The following DRAM1 variants were observed in gnomAD, a reference collection of about 807,000 sequenced individuals.
DRAM1 encodes the protein DNA damage-regulated autophagy modulator protein 1.
Under a neutral mutation model 28.5 loss-of-function variants are expected in DRAM1, and 25 were observed. The observed-to-expected ratio is 0.88, with a 90% CI of 0.64 to 1.23. DRAM1 has a LOEUF of 1.23. DRAM1 is among the 50% of genes most tolerant of loss of function. The pLI is 0.00. For synonymous variants in DRAM1, 113 were observed against 114.2 expected, an observed-to-expected ratio of 0.99 and a Z score of 0.07; for missense variants, 249 against 299.2, an observed-to-expected ratio of 0.83 and a Z score of 1.24.
At chr12:101,903,426 A>G (rs1873673527) in intron 3 of DRAM1, among the ~76,000 whole-genome samples, 1 of 152,184 alleles carries the variant, frequency 6.6e-6, no homozygotes, top group African/African-American at 2.4e-5. Flanking sequence ...GAAATAAGCC[A>G]GTCACAGAGG....
intron 3 of DRAM1, among the ~76,000 whole-genome samples, chr12:101,903,926 TACACACAC>T (rs775764624): frequency 1.4e-4 from 19 of 136,010 alleles, no homozygotes; most frequent in African/African-American, 2.3e-4. Context: ...CACACACACA[TACACACAC>T]ACACACACAC....
intron 1 of DRAM1, among the ~76,000 whole-genome samples, chr12:101,896,223 G>A (rs1303436679): frequency 6.6e-6 from 1 of 152,158 alleles, no homozygotes; most frequent in Non-Finnish European, 1.5e-5. Flanking sequence ...TAAATACTAA[G>A]TGTTCGCAAA....
At chr12:101,905,009 C>T (rs1873751020) in intron 3 of DRAM1, among the ~76,000 whole-genome samples, 1 of 152,146 alleles carries the variant, frequency 6.6e-6, no homozygotes, top group African/African-American at 2.4e-5. Context: ...TGAACTCCTC[C>T]TGTCTCAGTC....
chr12:101,921,154 C>T (rs1335417311), intron 6 of DRAM1, 62 bp from the exon 7 acceptor site: 2 of 1,204,296 alleles, frequency 1.7e-6, no homozygotes, highest in Admixed American at 3.4e-5. Context: ...TTGGAAATGT[C>T]ATTGTCAACG....
intron 4 of DRAM1, among the ~76,000 whole-genome samples, chr12:101,910,949 A>C (rs1305140978): frequency 6.6e-6 from 1 of 152,080 alleles, no homozygotes; most frequent in Non-Finnish European, 1.5e-5. Flanking sequence ...CAGCATCTTT[A>C]AATAGGCTAG....
chr12:101,880,050 T>C (rs1484095235), intron 1 of DRAM1, among the ~76,000 whole-genome samples: 14 of 151,478 alleles, frequency 9.2e-5, no homozygotes, highest in South Asian at 2.1e-4. Context: ...TTTGTTTGTT[T>C]GTTTGTTTGT....
At chr12:101,885,803 C>T (rs1303376203) in intron 1 of DRAM1, among the ~76,000 whole-genome samples, 1 of 152,100 alleles carries the variant, frequency 6.6e-6, no homozygotes, top group Non-Finnish European at 1.5e-5. Flanking sequence ...GCTGGGATTA[C>T]AGGTGTGAGC....
intron 5 of DRAM1, among the ~76,000 whole-genome samples, chr12:101,916,881 A>G (rs1414373193): frequency 1.3e-5 from 2 of 152,218 alleles, no homozygotes; most frequent in East Asian, 1.9e-4. Flanking sequence ...CCAGTTGTCA[A>G]TGGCTAAATG....
chr12:101,914,899 C>A (rs1221452439), intron 5 of DRAM1, among the ~76,000 whole-genome samples: 3 of 151,924 alleles, frequency 2.0e-5, no homozygotes, highest in South Asian at 2.1e-4. Context: ...CTCAAGTGAT[C>A]CCCCCGTCTC....
intron 4 of DRAM1, among the ~76,000 whole-genome samples, chr12:101,911,281 A>G (rs1346417409): frequency 6.6e-6 from 1 of 152,202 alleles, no homozygotes; most frequent in African/African-American, 2.4e-5. Context: ...GTTTCTTCTT[A>G]CTGCAGTATT....
chr12:101,905,046 A>C (rs1203994476), intron 3 of DRAM1, among the ~76,000 whole-genome samples: 1 of 152,038 alleles, frequency 6.6e-6, no homozygotes, highest in African/African-American at 2.4e-5. Context: ...CTATGGGTGC[A>C]TCACCATGCC....
intron 4 of DRAM1, among the ~76,000 whole-genome samples, chr12:101,908,697 T>C (rs1235343370): frequency 5.3e-5 from 8 of 151,846 alleles, no homozygotes; most frequent in Admixed American, 2.0e-4. Flanking sequence ...CAATCAGATA[T>C]TGAGTGTGAT....
intron 1 of DRAM1, among the ~76,000 whole-genome samples, chr12:101,890,561 C>T (rs1873078438): frequency 3.7e-5 from 1 of 26,804 alleles, no homozygotes; most frequent in Admixed American, 3.1e-4. Flanking sequence ...ACAATTGCCT[C>T]TCTACAGTCT....
chr12:101,877,962 A>G lies in DRAM1; in HGVS notation c.131+42A>G, dbSNP rs2120987684. 7.0e-7 allele frequency: 1 copy of G among 1,419,128 alleles called. No individual in the cohort carries two copies. The highest frequency in any genetic ancestry group is 1.4e-5 in the South Asian group (1 of 69,142). 87.9% of individuals were successfully genotyped at this position (1,419,128 alleles called of 1,614,324 possible). A position where few individuals can be genotyped will look rare whatever the true frequency, so the allele number is the denominator to read the frequency against. On this transcript the variant is annotated intron_variant, in intron 1 of 6. Transcript: ENST00000258534. This position sits in a 1 kb window ranked among gnomAD's most constrained non-coding sequence, Gnocchi z 4.1. ...GCGTCAGGGCCCCAGGAGCAGGCAC[A>G]GGGACCACAGGGAGCGCTGCCGACG...
chr12:101,893,613 T>C (rs1215148815), intron 1 of DRAM1, among the ~76,000 whole-genome samples: 1 of 152,206 alleles, frequency 6.6e-6, no homozygotes, highest in Non-Finnish European at 1.5e-5. Context: ...GAACAAGTTA[T>C]ATAGCCTCTC....
chr12:101,914,255 T>C, intron 5 of DRAM1, 23 bp downstream of exon 5: 1 of 1,596,028 alleles, frequency 6.3e-7, no homozygotes, highest in Non-Finnish European at 8.5e-7. Flanking sequence ...TTGTTGTGAA[T>C]GTGGTTGTCG....
intron 3 of DRAM1, among the ~76,000 whole-genome samples, chr12:101,902,412 A>G (rs1372606972): frequency 2.0e-5 from 3 of 152,174 alleles, no homozygotes; most frequent in Non-Finnish European, 2.9e-5. Flanking sequence ...GCTATCCTCA[A>G]TGCTAACATG....
At chr12:101,907,132 C>A (rs1430629468) in intron 3 of DRAM1, among the ~76,000 whole-genome samples, 3 of 135,800 alleles carry the variant, frequency 2.2e-5, no homozygotes, top group African/African-American at 8.5e-5. Context: ...CCTGGGAATT[C>A]AAGGCTGCAG....
At chr12:101,883,599 C>T (rs1186942533) in intron 1 of DRAM1, among the ~76,000 whole-genome samples, 2 of 145,926 alleles carry the variant, frequency 1.4e-5, no homozygotes, top group Non-Finnish European at 3.0e-5. Context: ...CAGGCGTGAG[C>T]CACTGCGCCC....
Sources: allele counts gnomAD v4.1 joint callset (sites outside exome capture counted in the v4.1 genomes callset), GRCh38; gene constraint gnomAD v4.1.1; non-coding constraint Gnocchi (gnomAD v3.1); transcripts MANE v1.5; gene names NCBI Gene and HGNC (gene_info 2026-07-23, HGNC 2026-07-21).